Variants in EXD3 observed in about 807,000 individuals in gnomAD.
EXD3 encodes exonuclease mut-7 homolog.
EXD3 carries 92 observed loss-of-function variants against 98.0 expected under a neutral mutation model. That is an observed-to-expected ratio of 0.94 (90% CI 0.79 to 1.12). The LOEUF (loss-of-function observed/expected upper bound fraction) is 1.12, where lower values mean the gene tolerates loss of function less well. Ranked by LOEUF, EXD3 falls within the 50% of genes most tolerant of loss-of-function variation. The pLI is 0.00. For synonymous variants in EXD3, 569 were observed against 526.0 expected (o/e 1.08, Z -1.12); for missense variants, 1,222 against 1,191.6 (o/e 1.03, Z -0.38).
chr9:137,322,476 C>A (rs1158299190), intron 19 of EXD3, among the ~76,000 whole-genome samples: 3 of 134,512 alleles, frequency 2.2e-5, no homozygotes, highest in African/African-American at 2.8e-5. Flanking sequence ...CGACACCTCA[C>A]CCCGGACCAC....
intron 17 of EXD3, among the ~76,000 whole-genome samples, chr9:137,335,541 G>A (rs1263288904): frequency 2.0e-5 from 3 of 152,072 alleles, no homozygotes; most frequent in Non-Finnish European, 4.4e-5. Flanking sequence ...TTAGCCAGGT[G>A]TGGTGGCAGG....
intron 3 of EXD3, among the ~76,000 whole-genome samples, chr9:137,379,226 T>C (rs112993118): frequency 0.027 from 35 of 1,282 alleles, no homozygotes; most frequent in African/African-American, 0.047. Flanking sequence ...TGGGTGACGG[T>C]GACCGTTGCC....
intron 3 of EXD3, among the ~76,000 whole-genome samples, chr9:137,378,359 C>T (rs1251326940): frequency 1.3e-5 from 2 of 152,106 alleles, no homozygotes; most frequent in African/African-American, 4.8e-5. Flanking sequence ...CAGGTGCATG[C>T]CACCACGCTC....
At chr9:137,311,294 G>C (rs1226376594) in intron 19 of EXD3, among the ~76,000 whole-genome samples, 1 of 152,240 alleles carries the variant, frequency 6.6e-6, no homozygotes, top group East Asian at 1.9e-4. Context: ...GGTCCAGCAG[G>C]CTTCCTGGGC....
At chr9:137,326,995 T>A (rs535677814) in intron 17 of EXD3, among the ~76,000 whole-genome samples, 1 of 151,818 alleles carries the variant, frequency 6.6e-6, no homozygotes, top group Non-Finnish European at 1.5e-5. Context: ...GAGTGAAAGA[T>A]GCCAGATACA....
At chr9:137,419,956 G>A (rs532463746) in intron 1 of EXD3, among the ~76,000 whole-genome samples, 3 of 152,064 alleles carry the variant, frequency 2.0e-5, no homozygotes, top group Admixed American at 6.5e-5. Flanking sequence ...TCAGGAGATC[G>A]AGACCATCCT....
intron 21 of EXD3, 146 bp from the exon 22 acceptor site, chr9:137,307,409 TG>T (rs1394825225): frequency 6.6e-5 from 88 of 1,340,836 alleles, no homozygotes; most frequent in Non-Finnish European, 8.3e-5. Context: ...CCGCTGACTC[TG>T]CGTCCTCCAC....
Position 137,371,851 on chromosome 9 carries a change from G to A in EXD3, c.462+1054C>T, listed in dbSNP as rs1405248294. Among the ~76,000 whole-genome samples, 1 of 151,896 alleles carries A rather than the reference G, an allele frequency of 6.6e-6. No homozygotes were observed. The highest frequency in any genetic ancestry group is 6.6e-5 in the Admixed American group (1 of 15,256). On this transcript the variant is annotated intron_variant, in intron 5 of 21. Coordinates refer to ENST00000340951, the MANE Select transcript of EXD3 (RefSeq NM_017820.5). This position sits in a 1 kb window ranked among gnomAD's most constrained non-coding sequence, Gnocchi z 8.0. ...CTGGGATCTGGAATCTCAGGGCACC[G>A]AGAAGTCATGGGGGCTCCCCTGCAC...
At position 137,407,665 on chromosome 9, in the gene EXD3, C is replaced by T. The variant is rs1048756152; in HGVS notation, c.-47-12261G>A. On this transcript the variant is annotated intron_variant, in intron 1 of 21. Coordinates refer to ENST00000340951, the MANE Select transcript of EXD3 (RefSeq NM_017820.5). The surrounding 1 kb of genome is among the most constrained non-coding windows in gnomAD (Gnocchi z 4.4). ...GCGGCCCCCCAGACACACCCACGGC[C>T]GTCCACCATCCAAGCATAAACCCCA... 6.6e-6 allele frequency among the ~76,000 whole-genome samples: 1 copy of T among 152,222 alleles called. No homozygotes were observed. Among genetic ancestry groups the T allele is most frequent in the Non-Finnish European group, 1.5e-5 (1 of 68,038 alleles).
chr9:137,315,805 T>C (rs1000242577), intron 19 of EXD3, among the ~76,000 whole-genome samples: 1 of 151,624 alleles, frequency 6.6e-6, no homozygotes, highest in Non-Finnish European at 1.5e-5. Flanking sequence ...CAGACCCCAC[T>C]CCCCGCCCAG....
intron 1 of EXD3, among the ~76,000 whole-genome samples, chr9:137,411,679 G>C (rs1838005222): frequency 6.8e-6 from 1 of 146,156 alleles, no homozygotes; most frequent in African/African-American, 2.5e-5. Context: ...AAAAGGAGCG[G>C]CAGGCGGAGG....
At chr9:137,327,346 G>A (rs908260249) in intron 17 of EXD3, among the ~76,000 whole-genome samples, 2 of 152,088 alleles carry the variant, frequency 1.3e-5, no homozygotes, top group Non-Finnish European at 2.9e-5. Flanking sequence ...TGTTAGCCAG[G>A]ATGGTCTCGA....
chr9:137,317,618 C>G (rs1831758234), intron 19 of EXD3, among the ~76,000 whole-genome samples: 1 of 152,118 alleles, frequency 6.6e-6, no homozygotes, highest in Non-Finnish European at 1.5e-5. Context: ...GTGGGGCCTT[C>G]TGGAGGGTCT....
intron 3 of EXD3, among the ~76,000 whole-genome samples, chr9:137,382,649 G>C (rs1836374907): frequency 6.6e-6 from 1 of 152,186 alleles, no homozygotes; most frequent in African/African-American, 2.4e-5. Context: ...GCTGGGGTCA[G>C]AGGGCATCCC....
rs372293078 is a variant in EXD3 at position 137,349,227 on chromosome 9, G to T, written c.1713C>A (p.Ala571=). 3,091 of 1,577,426 alleles carry T rather than the reference G, an allele frequency of 2.0e-3. 6 individuals are homozygous for T. The highest frequency in any genetic ancestry group is 2.5e-3 in the Non-Finnish European group (2,882 of 1,167,976). Residue 571 remains alanine, a synonymous_variant, in exon 16 of 22, where the codon GCC becomes GCA. Transcript: ENST00000340951. The surrounding 1 kb of genome is among the most constrained non-coding windows in gnomAD (Gnocchi z 7.4). ...CCAGGTCCTCCGACAGGTGGAAGCG[G>T]GCGGGCTCTCTGCACAGGGCTTGGT... ...EVHQALCREP[A]RFHLSEDLAG... is the part of the protein sequence containing the mutation.
intron 8 of EXD3, among the ~76,000 whole-genome samples, chr9:137,355,678 T>G (rs78308725): frequency 1.3e-3 from 14 of 10,918 alleles, no homozygotes; most frequent in African/African-American, 1.9e-3. Flanking sequence ...AAAGGGAGGA[T>G]GGAGGAAGGA....
chr9:137,420,619 G>A (rs1838466308), intron 1 of EXD3, among the ~76,000 whole-genome samples: 1 of 152,102 alleles, frequency 6.6e-6, no homozygotes, highest in East Asian at 1.9e-4. Flanking sequence ...TGACTGGACT[G>A]GTGCCCTGTT....
rs939247872 is a variant in EXD3, at chr9:137,374,611, C to T, written c.121-1012G>A. 8.1e-6 allele frequency: 8 copies of T among 985,406 alleles called. No individual in the cohort carries two copies. In the South Asian group the frequency reaches 3.3e-4, roughly 40 times the overall value. 61.0% of individuals were successfully genotyped at this position (985,406 alleles called of 1,614,324 possible). On this transcript the variant is annotated intron_variant, in intron 3 of 21. Coordinates refer to ENST00000340951, the MANE Select transcript of EXD3 (RefSeq NM_017820.5). ...CAGGAACAGCCGTGGAGCACACGCA[C>T]ATGAGTGTGTGAGGAGACCTCAGCG...
intron 17 of EXD3, among the ~76,000 whole-genome samples, chr9:137,345,122 A>G (rs896976746): frequency 2.0e-5 from 3 of 152,208 alleles, no homozygotes; most frequent in Non-Finnish European, 2.9e-5. Context: ...ACACAGCCCC[A>G]TGGCGTTTCC....
Sources: allele counts gnomAD v4.1 joint callset (sites outside exome capture counted in the v4.1 genomes callset), GRCh38; gene constraint gnomAD v4.1.1; non-coding constraint Gnocchi (gnomAD v3.1); transcripts MANE v1.5; gene names NCBI Gene and HGNC (gene_info 2026-07-23, HGNC 2026-07-21).